MGAT4C: variants seen among roughly 807,000 people sequenced by gnomAD.
MGAT4C encodes the protein MGAT4 family member C.
Under a neutral mutation model 40.1 loss-of-function variants are expected in MGAT4C, and 19 were observed. That is an observed-to-expected ratio of 0.47 (90% CI 0.33 to 0.70). The LOEUF is 0.70. Among genes scored for constraint, MGAT4C ranks in the 30% least tolerant of loss-of-function variants. The pLI, the probability that MGAT4C is intolerant of heterozygous loss-of-function variation, is 0.02. For missense variants in MGAT4C, 491 were observed against 563.2 expected, an observed-to-expected ratio of 0.87 and a Z score of 1.30; for synonymous variants, 181 against 187.1, an observed-to-expected ratio of 0.97 and a Z score of 0.27.
chr12:86,430,926 C>T (rs1014380419), intron 3 of MGAT4C, among the ~76,000 whole-genome samples: 4 of 152,304 alleles, frequency 2.6e-5, no homozygotes, highest in South Asian at 4.1e-4. Context: ...TTAAAATTCA[C>T]AGAAGTGGGA....
At chr12:86,449,974 T>C (rs1215145285) in intron 2 of MGAT4C, among the ~76,000 whole-genome samples, 1 of 152,208 alleles carries the variant, frequency 6.6e-6, no homozygotes, top group African/African-American at 2.4e-5. Flanking sequence ...TAAGAATGTG[T>C]TGGATATCAC....
chr12:86,229,733 T>C (rs554348521), intron 1 of MGAT4C, among the ~76,000 whole-genome samples: 68 of 152,174 alleles, frequency 4.5e-4, no homozygotes, highest in African/African-American at 1.5e-3. Flanking sequence ...AATAAACTTC[T>C]GTCAGGGACA....
chr12:86,233,456 A>T (rs1951408977), intron 1 of MGAT4C, among the ~76,000 whole-genome samples: 3 of 152,208 alleles, frequency 2.0e-5, no homozygotes, highest in Admixed American at 2.0e-4. Flanking sequence ...AGCCTTTGAT[A>T]GGTGACAGCC....
At chr12:86,008,889 A>G (rs991695719) in intron 2 of MGAT4C, among the ~76,000 whole-genome samples, 1 of 152,116 alleles carries the variant, frequency 6.6e-6, no homozygotes, top group Admixed American at 6.5e-5. Flanking sequence ...TTATTGTGCT[A>G]TACGATGGAT....
chr12:85,998,432 G>A (rs1197446028), intron 2 of MGAT4C, among the ~76,000 whole-genome samples: 2 of 152,126 alleles, frequency 1.3e-5, no homozygotes, highest in South Asian at 2.1e-4. Flanking sequence ...TTCAGAAAAT[G>A]GGATTTTCTT....
intron 2 of MGAT4C, among the ~76,000 whole-genome samples, chr12:86,018,476 GTT>G (rs943307065): frequency 1.3e-5 from 2 of 152,018 alleles, no homozygotes; most frequent in Non-Finnish European, 2.9e-5. Flanking sequence ...TGTCCAATTT[GTT>G]TTTTTACTTT....
intron 2 of MGAT4C, among the ~76,000 whole-genome samples, chr12:86,640,666 GCTTTTCTAGTT>G (rs1432912048): frequency 6.6e-6 from 1 of 151,828 alleles, no homozygotes; most frequent in African/African-American, 2.4e-5. Context: ...GTTTGCTCTT[GCTTTTCTAGTT>G]CTTTTAATTG....
chr12:86,706,769 AGT>A (rs1950466836), intron 2 of MGAT4C, among the ~76,000 whole-genome samples: 1 of 152,174 alleles, frequency 6.6e-6, no homozygotes, highest in Admixed American at 6.6e-5. Context: ...ATCCTTTTAA[AGT>A]GTTTCATTTG....
intron 2 of MGAT4C, among the ~76,000 whole-genome samples, chr12:86,444,530 T>C (rs1957299103): frequency 1.3e-5 from 2 of 152,168 alleles, no homozygotes; most frequent in African/African-American, 4.8e-5. Context: ...AATTCCTGGC[T>C]CTCTAACAAG....
intron 4 of MGAT4C, among the ~76,000 whole-genome samples, chr12:86,321,551 T>G (rs938122112): frequency 2.6e-5 from 4 of 152,198 alleles, no homozygotes; most frequent in African/African-American, 7.2e-5. Flanking sequence ...AAAACAATAC[T>G]AGCTGAATGC....
chr12:86,330,794 C>T (rs1451821926), intron 4 of MGAT4C, among the ~76,000 whole-genome samples: 1 of 152,064 alleles, frequency 6.6e-6, no homozygotes, highest in African/African-American at 2.4e-5. Context: ...AAACAATAAA[C>T]AATTATACTT....
intron 1 of MGAT4C, among the ~76,000 whole-genome samples, chr12:86,750,487 GACAA>G (rs925070460): frequency 2.0e-5 from 3 of 151,796 alleles, no homozygotes; most frequent in African/African-American, 4.8e-5. Context: ...TGCTTGCCTA[GACAA>G]ACAAACAAAC....
chr12:86,217,821 A>T (rs1175158887), intron 1 of MGAT4C, among the ~76,000 whole-genome samples: 1 of 152,212 alleles, frequency 6.6e-6, no homozygotes, highest in Non-Finnish European at 1.5e-5. Flanking sequence ...AGTCCCAAAG[A>T]AGAATGACTA....
At chr12:86,267,569 T>C (rs919101881) in intron 4 of MGAT4C, among the ~76,000 whole-genome samples, 1 of 151,992 alleles carries the variant, frequency 6.6e-6, no homozygotes, top group Non-Finnish European at 1.5e-5. Context: ...AGTTCAGAGC[T>C]GTCTTTTTAA....
intron 2 of MGAT4C, among the ~76,000 whole-genome samples, chr12:86,494,614 C>A (rs1565802326): frequency 6.7e-6 from 1 of 150,136 alleles, no homozygotes; most frequent in Non-Finnish European, 1.5e-5. Context: ...CAAACCATAG[C>A]AATCATTTAA....
intron 2 of MGAT4C, among the ~76,000 whole-genome samples, chr12:86,441,683 T>G (rs1957231612): frequency 6.6e-6 from 1 of 152,110 alleles, no homozygotes; most frequent in Non-Finnish European, 1.5e-5. Context: ...GAACTCATCT[T>G]TTTTATGGCT....
intron 3 of MGAT4C, among the ~76,000 whole-genome samples, chr12:86,350,057 C>T (rs956272835): frequency 6.6e-6 from 1 of 151,932 alleles, no homozygotes; most frequent in African/African-American, 2.4e-5. Flanking sequence ...TCTTGACCTC[C>T]TGTGCTATGT....
At chr12:86,400,227 C>T (rs1003183433) in intron 3 of MGAT4C, among the ~76,000 whole-genome samples, 1 of 152,208 alleles carries the variant, frequency 6.6e-6, no homozygotes, top group Non-Finnish European at 1.5e-5. Context: ...AGAGGGGAAA[C>T]AATTTGTCTT....
At chr12:86,438,051 A>G (rs1322285428) in intron 2 of MGAT4C, among the ~76,000 whole-genome samples, 4 of 151,962 alleles carry the variant, frequency 2.6e-5, no homozygotes, top group Non-Finnish European at 2.9e-5. Flanking sequence ...TTTAGTGAGG[A>G]AGGCATGTCA....
Sources: allele counts gnomAD v4.1 joint callset (sites outside exome capture counted in the v4.1 genomes callset), GRCh38; gene constraint gnomAD v4.1.1; transcripts MANE v1.5; gene names NCBI Gene and HGNC (gene_info 2026-07-23, HGNC 2026-07-21).